NEMP2: variants seen among roughly 807,000 people sequenced by gnomAD.
The protein encoded by NEMP2 is nuclear envelope integral membrane protein 2.
A neutral mutation model predicts 54.2 loss-of-function variants in NEMP2; 53 were observed. The observed-to-expected ratio is 0.98, with a 90% CI of 0.78 to 1.23. The LOEUF is 1.23. Among genes scored for constraint, NEMP2 ranks in the 50% most tolerant of loss-of-function variants. The pLI is 0.00. For missense variants in NEMP2, 455 were observed against 511.3 expected (o/e 0.89, Z 1.06); for synonymous variants, 197 against 190.3 (o/e 1.04, Z -0.29).
At chr2:190,562,911 A>G in the NEMP2 span, among the ~76,000 whole-genome samples, 4 of 152,342 alleles carry the variant, frequency 2.6e-5, no homozygotes, top group African/African-American at 9.6e-5. The surrounding 1 kb of genome is among the most constrained non-coding windows in gnomAD (Gnocchi z 5.0). Context: ...TTATAGAGGT[A>G]ACTCTGAGAT....
downstream of NEMP2, chr2:190,501,350 G>A (rs1291675618): frequency 6.6e-6 from 1 of 152,186 alleles, no homozygotes; most frequent in Non-Finnish European, 1.5e-5. Context: ...TCGTTCTCAT[G>A]AAGACACAGT....
the NEMP2 span, among the ~76,000 whole-genome samples, chr2:190,619,889 A>G: frequency 6.6e-6 from 1 of 152,184 alleles, no homozygotes; most frequent in African/African-American, 2.4e-5. The surrounding 1 kb of genome is among the most constrained non-coding windows in gnomAD (Gnocchi z 5.5). Context: ...CTCCAAAGCC[A>G]TTCAATGAAT....
chr2:190,489,324 C>T, the NEMP2 span, among the ~76,000 whole-genome samples: 117 of 152,300 alleles, frequency 7.7e-4, no homozygotes, highest in African/African-American at 2.8e-3. This position sits in a 1 kb window ranked among gnomAD's most constrained non-coding sequence, Gnocchi z 6.6. Context: ...GATTATTCTG[C>T]TCCAGGAATC....
chr2:190,478,758 A>AT, the NEMP2 span, among the ~76,000 whole-genome samples: 1 of 151,732 alleles, frequency 6.6e-6, no homozygotes, highest in Non-Finnish European at 1.5e-5. Context: ...GTCTTTCATC[A>AT]TTGGGCATCT....
rs2125310329 is a variant in NEMP2, at chr2:190,513,149, C to T, written c.953+1304G>A. 6.6e-6 allele frequency among the ~76,000 whole-genome samples: 1 copy of T among 152,314 alleles called. No homozygotes were observed. The highest frequency in any genetic ancestry group is 2.1e-4 in the South Asian group (1 of 4,824). ...TGCCAGAAGACAGATGGGCCACATCCCACCAGCCAATGAGTATTTATGGTC... is the reference window on the plus strand; with the variant it reads ...TGCCAGAAGACAGATGGGCCACATCTCACCAGCCAATGAGTATTTATGGTC... On this transcript the variant is annotated intron_variant, in intron 7 of 8. Coordinates refer to ENST00000409150, the MANE Select transcript of NEMP2 (RefSeq NM_001142645.2). This position sits in a 1 kb window ranked among gnomAD's most constrained non-coding sequence, Gnocchi z 5.3.
At chr2:190,552,929 ATC>A in the NEMP2 span, among the ~76,000 whole-genome samples, 1 of 152,204 alleles carries the variant, frequency 6.6e-6, no homozygotes, top group Non-Finnish European at 1.5e-5. Flanking sequence ...GAGAGAAAAT[ATC>A]TGTGTCCTAG....
chr2:190,534,819 G>A (rs1376814526), upstream of NEMP2: 2 of 483,736 alleles, frequency 4.1e-6, no homozygotes, highest in Non-Finnish European at 6.5e-6. Flanking sequence ...AGTTGGGCTC[G>A]TTGCTCCAGC....
rs778244493 is a variant in NEMP2, at chr2:190,528,069, A to T, written c.98-2691T>A. 6.6e-6 allele frequency among the ~76,000 whole-genome samples: 1 copy of T among 152,226 alleles called. No individual in the cohort carries two copies. Among genetic ancestry groups the T allele is most frequent in the Non-Finnish European group, 1.5e-5 (1 of 68,044 alleles). ...CATGGTGTGTCCATGCACAAGAGCC[A>T]AAAGAAGAATTCACAACCAGGGCTA... On this transcript the variant is annotated intron_variant, in intron 1 of 8. Transcript: ENST00000409150. This position sits in a 1 kb window ranked among gnomAD's most constrained non-coding sequence, Gnocchi z 4.3.
chr2:190,463,544 G>C, the NEMP2 span, among the ~76,000 whole-genome samples: 2 of 152,244 alleles, frequency 1.3e-5, no homozygotes, highest in African/African-American at 2.4e-5. The surrounding 1 kb of genome is among the most constrained non-coding windows in gnomAD (Gnocchi z 4.4). Context: ...TCTGGGGCCA[G>C]GTGGATGGCT....
At chr2:190,488,669 C>A in the NEMP2 span, 1 of 1,554,826 alleles carries the variant, frequency 6.4e-7, no homozygotes, top group Non-Finnish European at 8.7e-7. This position sits in a 1 kb window ranked among gnomAD's most constrained non-coding sequence, Gnocchi z 6.4. Flanking sequence ...GTGACACACG[C>A]GGCCATCTGG....
chr2:190,611,361 G>A, the NEMP2 span, among the ~76,000 whole-genome samples: 20 of 152,042 alleles, frequency 1.3e-4, no homozygotes, highest in Admixed American at 5.2e-4. The surrounding 1 kb of genome is among the most constrained non-coding windows in gnomAD (Gnocchi z 5.4). Context: ...TCACCTTTAC[G>A]TTAGTGTGCT....
the NEMP2 span, among the ~76,000 whole-genome samples, chr2:190,573,019 T>C: frequency 6.6e-6 from 1 of 151,710 alleles, no homozygotes; most frequent in Non-Finnish European, 1.5e-5. Context: ...TACCAATTTG[T>C]TCCCAAAAGA....
intron 4 of NEMP2, 113 bp from the exon 5 acceptor site, chr2:190,517,726 A>G (rs1690610947): frequency 4.0e-6 from 3 of 748,986 alleles, no homozygotes; most frequent in Non-Finnish European, 6.8e-6. Flanking sequence ...CAGAAAACTC[A>G]GATGGCAGCT....
At chr2:190,462,933 A>G in the NEMP2 span, among the ~76,000 whole-genome samples, 8 of 152,190 alleles carry the variant, frequency 5.3e-5, no homozygotes, top group Non-Finnish European at 1.0e-4. The surrounding 1 kb of genome is among the most constrained non-coding windows in gnomAD (Gnocchi z 5.7). Flanking sequence ...AGAGGAGGGT[A>G]CCATGATGTA....
At chr2:190,472,004 C>T in the NEMP2 span, among the ~76,000 whole-genome samples, 2 of 152,322 alleles carry the variant, frequency 1.3e-5, no homozygotes, top group African/African-American at 4.8e-5. Context: ...CTCCAGCAAA[C>T]TCCAACAGAC....
At chr2:190,489,821 C>G in the NEMP2 span, 1 of 1,614,186 alleles carries the variant, frequency 6.2e-7, no homozygotes, top group Non-Finnish European at 8.5e-7. This position sits in a 1 kb window ranked among gnomAD's most constrained non-coding sequence, Gnocchi z 6.6. Flanking sequence ...GATCCTACTG[C>G]TCTTTGCCCT....
chr2:190,466,254 C>T, the NEMP2 span, among the ~76,000 whole-genome samples: 1 of 152,194 alleles, frequency 6.6e-6, no homozygotes. Flanking sequence ...GAACTTAAGA[C>T]TTCAGCACAT....
the NEMP2 span, among the ~76,000 whole-genome samples, chr2:190,495,116 A>G: frequency 1.3e-5 from 2 of 152,182 alleles, no homozygotes; most frequent in Admixed American, 6.5e-5. The surrounding 1 kb of genome is among the most constrained non-coding windows in gnomAD (Gnocchi z 4.7). Context: ...GACTCCTCCT[A>G]AAAGCTCTTA....
chr2:190,500,234 C>A (rs781165134), downstream of NEMP2: 4 of 1,613,744 alleles, frequency 2.5e-6, no homozygotes, highest in Admixed American at 6.7e-5. The surrounding 1 kb of genome is among the most constrained non-coding windows in gnomAD (Gnocchi z 5.3). Flanking sequence ...TCCTGCTCAT[C>A]TCACACCCTG....
Sources: gnomAD v4.1 joint callset for allele counts (sites outside exome capture counted in the v4.1 genomes callset) on GRCh38, gnomAD v4.1.1 for gene constraint, Gnocchi (gnomAD v3.1) non-coding constraint, MANE v1.5 for transcripts, NCBI Gene and HGNC (gene_info 2026-07-23, HGNC 2026-07-21) for gene names.